Variants in CELF2 observed in about 807,000 individuals in gnomAD.
CELF2 encodes the protein CUGBP Elav-like family member 2.
In CELF2, 8 loss-of-function variants were observed where a neutral mutation model predicts 62.6. The ratio of observed to expected loss-of-function variants is 0.13; its 90% CI spans 0.07 to 0.23. The LOEUF is 0.23. CELF2 is among the 10% of genes least tolerant of loss of function. The probability of loss-of-function intolerance (pLI) is 1.00; values close to 1 mark genes in which losing one functional copy is unlikely to be tolerated. For missense variants in CELF2, 333 were observed against 671.0 expected (o/e 0.50, Z 5.56); for synonymous variants, 258 against 250.0 (o/e 1.03, Z -0.30).
the CELF2 span, among the ~76,000 whole-genome samples, chr10:10,747,438 G>A: frequency 6.6e-6 from 1 of 152,124 alleles, no homozygotes; most frequent in African/African-American, 2.4e-5. Context: ...GTGCAACGAA[G>A]GAAAGGGGAA....
chr10:10,591,366 G>C, the CELF2 span, among the ~76,000 whole-genome samples: 2 of 152,020 alleles, frequency 1.3e-5, no homozygotes, highest in African/African-American at 2.4e-5. Context: ...GATAACATGG[G>C]TATATGCTTT....
intron 1 of CELF2, among the ~76,000 whole-genome samples, chr10:11,134,387 A>C (rs960567747): frequency 6.6e-6 from 1 of 152,236 alleles, no homozygotes; most frequent in African/African-American, 2.4e-5. Flanking sequence ...TGGCCTCAGA[A>C]GACTCATCCC....
chr10:10,598,574 T>G, the CELF2 span, among the ~76,000 whole-genome samples: 25 of 152,260 alleles, frequency 1.6e-4, no homozygotes, highest in African/African-American at 5.8e-4. Context: ...ACAATACATA[T>G]GCATGTCGTT....
the CELF2 span, among the ~76,000 whole-genome samples, chr10:10,771,783 T>A: frequency 6.6e-6 from 1 of 152,316 alleles, no homozygotes; most frequent in East Asian, 1.9e-4. Context: ...TAAACCTCTT[T>A]CTTTTGTAAA....
intron 1 of CELF2, among the ~76,000 whole-genome samples, chr10:10,836,009 T>C (rs2058257779): frequency 6.6e-6 from 1 of 152,084 alleles, no homozygotes; most frequent in Non-Finnish European, 1.5e-5. Flanking sequence ...AAGACCAATT[T>C]TGGACATGTC....
chr10:10,545,418 C>T, the CELF2 span, among the ~76,000 whole-genome samples: 1 of 152,110 alleles, frequency 6.6e-6, no homozygotes, highest in Non-Finnish European at 1.5e-5. Context: ...TCAAAAGAAA[C>T]CCAAACAAGG....
the CELF2 span, among the ~76,000 whole-genome samples, chr10:10,724,661 A>AG: frequency 6.7e-6 from 1 of 149,236 alleles, no homozygotes; most frequent in African/African-American, 2.5e-5. Flanking sequence ...GTCTCAAAAA[A>AG]AAAAAAAAAG....
At chr10:10,968,732 A>T (rs201417682) in intron 2 of CELF2, among the ~76,000 whole-genome samples, 1 of 100,234 alleles carries the variant, frequency 1.0e-5, no homozygotes, top group Non-Finnish European at 2.2e-5. Flanking sequence ...TGGTGAAAAG[A>T]AAAAAAAAAA....
At chr10:11,275,153 G>A (rs190297625) in intron 8 of CELF2, 33 bp downstream of exon 8, 152 of 1,609,070 alleles carry the variant, frequency 9.4e-5, no homozygotes, top group South Asian at 2.2e-4. Context: ...CCTTTTGACC[G>A]TGCTATTGTC....
chr10:10,891,992 A>G (rs1184131799), intron 1 of CELF2, among the ~76,000 whole-genome samples: 4 of 152,188 alleles, frequency 2.6e-5, no homozygotes, highest in Admixed American at 2.6e-4. Flanking sequence ...TCTTTAAAAT[A>G]TGTTTGCCTT....
At chr10:10,897,652 T>C (rs1300569404) in intron 1 of CELF2, among the ~76,000 whole-genome samples, 1 of 152,016 alleles carries the variant, frequency 6.6e-6, no homozygotes, top group African/African-American at 2.4e-5. Flanking sequence ...GCAATAGAGA[T>C]GGGTCATCCA....
intron 9 of CELF2, among the ~76,000 whole-genome samples, chr10:11,308,282 A>G (rs1273886314): frequency 6.6e-6 from 1 of 152,096 alleles, no homozygotes; most frequent in Non-Finnish European, 1.5e-5. Flanking sequence ...ATTTTCTTGC[A>G]TGTGTGGATT....
At chr10:11,229,986 G>T (rs1267420316) in intron 3 of CELF2, among the ~76,000 whole-genome samples, 1 of 152,166 alleles carries the variant, frequency 6.6e-6, no homozygotes, top group African/African-American at 2.4e-5. Context: ...AGGGCTAGGT[G>T]GTGGTGACAT....
At chr10:10,705,036 A>G in the CELF2 span, among the ~76,000 whole-genome samples, 3 of 152,028 alleles carry the variant, frequency 2.0e-5, no homozygotes, top group Admixed American at 2.0e-4. Context: ...AGAAAATTTT[A>G]GTAGCCGGCG....
the CELF2 span, among the ~76,000 whole-genome samples, chr10:10,631,219 T>C: frequency 6.6e-6 from 1 of 152,168 alleles, no homozygotes; most frequent in African/African-American, 2.4e-5. Context: ...CCTTTCCTCA[T>C]TAGAAACAAA....
chr10:10,738,165 G>A, the CELF2 span, among the ~76,000 whole-genome samples: 2 of 152,180 alleles, frequency 1.3e-5, no homozygotes, highest in Non-Finnish European at 2.9e-5. Flanking sequence ...TTATCCTAAA[G>A]AAATAATCAG....
the CELF2 span, among the ~76,000 whole-genome samples, chr10:10,767,678 C>T: frequency 1.3e-5 from 2 of 152,042 alleles, no homozygotes; most frequent in Non-Finnish European, 2.9e-5. Context: ...TTCAGACAAC[C>T]CAACCGTGGG....
the CELF2 span, among the ~76,000 whole-genome samples, chr10:10,771,478 G>A: frequency 6.6e-6 from 1 of 152,168 alleles, no homozygotes; most frequent in East Asian, 1.9e-4. Flanking sequence ...CAGTCCTGCT[G>A]ATACGGTTTG....
chr10:10,792,517 T>C, the CELF2 span: 2 of 397,984 alleles, frequency 5.0e-6, no homozygotes, highest in Non-Finnish European at 8.9e-6. Context: ...TAAAAACAGA[T>C]GAGGAGTCCT....
Sources: gnomAD v4.1 joint callset for allele counts (sites outside exome capture counted in the v4.1 genomes callset) on GRCh38, gnomAD v4.1.1 for gene constraint, MANE v1.5 for transcripts, NCBI Gene and HGNC (gene_info 2026-07-23, HGNC 2026-07-21) for gene names.